Variants in FNBP1L observed in about 807,000 individuals in gnomAD.
The protein encoded by FNBP1L is formin binding protein 1 like.
A neutral mutation model predicts 91.2 loss-of-function variants in FNBP1L; 36 were observed. The ratio of observed to expected loss-of-function variants is 0.39; its 90% CI spans 0.30 to 0.52. The LOEUF (loss-of-function observed/expected upper bound fraction) is 0.52. Ranked by LOEUF, FNBP1L falls within the 20% of genes least tolerant of loss-of-function variation. The pLI is 0.66. For synonymous variants in FNBP1L, 242 were observed against 237.0 expected (o/e 1.02, Z -0.19); for missense variants, 571 against 732.1 (o/e 0.78, Z 2.54).
rs192824198 is a variant in FNBP1L at position 93,487,871 on chromosome 1, G to A, written c.25-11597G>A. ...TCATGTCCAGGGTAATTTTTTTATC[G>A]TGTATCTTCAGCAGGACCACTACTA... On this transcript the variant is annotated intron_variant, in intron 1 of 16. Transcript: ENST00000271234. 2.2e-4 allele frequency among the ~76,000 whole-genome samples: 34 copies of A among 152,204 alleles called. 1 individual carries two copies. The highest frequency in any genetic ancestry group is 1.8e-3 in the Admixed American group (28 of 15,284).
At position 93,492,651 on chromosome 1, in the gene FNBP1L, C is replaced by T. The variant is rs139505506; in HGVS notation, c.25-6817C>T. Among the ~76,000 whole-genome samples the T allele has an allele frequency of 1.6e-4, 24 of 152,018 alleles. No homozygotes were observed. In the East Asian group the frequency reaches 4.7e-3, roughly 30 times the overall value. Reference sequence around the variant, plus strand: ...TTGCTTGAGACTGGGAGTTTGAGACCAGACGGAGCAACAAAGCAAGACCCC... The same window carrying T: ...TTGCTTGAGACTGGGAGTTTGAGACTAGACGGAGCAACAAAGCAAGACCCC... On this transcript the variant is annotated intron_variant, in intron 1 of 16. Coordinates refer to ENST00000271234, the MANE Select transcript of FNBP1L (RefSeq NM_001164473.3).
intron 11 of FNBP1L, among the ~76,000 whole-genome samples, chr1:93,541,637 A>G (rs1672050394): frequency 6.6e-6 from 1 of 151,962 alleles, no homozygotes; most frequent in Non-Finnish European, 1.5e-5. Flanking sequence ...GTTCCTTGGT[A>G]TGTTTATTTC....
chr1:93,498,478 G>A (rs1030506711), intron 1 of FNBP1L, among the ~76,000 whole-genome samples: 26 of 152,178 alleles, frequency 1.7e-4, no homozygotes, highest in Non-Finnish European at 3.4e-4. Context: ...TTTAGGAGTA[G>A]AATTTTTTTT....
rs146240767 is a variant in FNBP1L at position 93,545,789 on chromosome 1, G to A, written c.1275-1053G>A. On this transcript the variant is annotated intron_variant, in intron 12 of 16. Transcript: ENST00000271234. ...GAATAGATAAAAGAATCATTTCAAA[G>A]CCAAAGTAGGTTGTACTTTCACCTG... Among the ~76,000 whole-genome samples, 291 of 151,278 alleles carry A rather than the reference G, an allele frequency of 1.9e-3. 2 individuals are homozygous for A. The highest frequency in any genetic ancestry group is 6.8e-3 in the African/African-American group (280 of 41,242).
chr1:93,512,217 G>A (rs890476041), intron 2 of FNBP1L, among the ~76,000 whole-genome samples: 1 of 152,088 alleles, frequency 6.6e-6, no homozygotes, highest in Non-Finnish European at 1.5e-5. Context: ...AACAAGAAGA[G>A]CTAACTATCC....
chr1:93,506,868 TCAA>T (rs1358732405), intron 2 of FNBP1L, among the ~76,000 whole-genome samples: 3 of 152,048 alleles, frequency 2.0e-5, no homozygotes, highest in Non-Finnish European at 4.4e-5. Flanking sequence ...AAGATTAGAA[TCAA>T]CAACTTAAAT....
At chr1:93,547,024 C>T in intron 13 of FNBP1L, 50 bp downstream of exon 13, 2 of 1,533,840 alleles carry the variant, frequency 1.3e-6, no homozygotes, top group Non-Finnish European at 1.8e-6. Context: ...TTATAAACTT[C>T]ATTATGATAG....
intron 1 of FNBP1L, among the ~76,000 whole-genome samples, chr1:93,454,622 G>A (rs972512585): frequency 1.8e-4 from 28 of 152,054 alleles, no homozygotes; most frequent in Middle Eastern, 3.4e-3. Flanking sequence ...ACTACAGCTC[G>A]TTTATATTGT....
chr1:93,546,950 A>G lies in FNBP1L; in HGVS notation c.1383A>G (p.Leu461=). ...LAETMNNIDR[L]RMEIHKNEAW... ...AGACCATGAATAACATTGACCGCCTACGAATGGAAATCCATAAGAATGAGG... is the reference window on the plus strand; with the variant it reads ...AGACCATGAATAACATTGACCGCCTGCGAATGGAAATCCATAAGAATGAGG... Residue 461 remains leucine, a synonymous_variant, in exon 13 of 17, where the codon CTA becomes CTG. Transcript: ENST00000271234. 6.2e-7 allele frequency: 1 copy of G among 1,612,244 alleles called. No homozygotes were observed. Among genetic ancestry groups the G allele is most frequent in the Non-Finnish European group, 8.5e-7 (1 of 1,179,220 alleles).
Position 93,552,546 on chromosome 1 carries a change from AT to A in FNBP1L, c.*140del, listed in dbSNP as rs879166612. On this transcript the variant is annotated 3_prime_UTR_variant, in exon 17 of 17. Coordinates refer to ENST00000271234, the MANE Select transcript of FNBP1L (RefSeq NM_001164473.3). ...AGTTGCATGAGTGCATGCAGACATG[AT>A]TTTTTTTTTACTAACTTCATTAGCA... The A allele has an allele frequency of 4.5e-3, 3,697 of 814,686 alleles. No homozygotes were observed. Among genetic ancestry groups the A allele is most frequent in the South Asian group, 6.7e-3 (211 of 31,680 alleles). The allele number at this position is 814,686 out of a possible 1,614,324, so 50.5% of individuals were successfully genotyped here.
chr1:93,477,567 C>T (rs894855989), intron 1 of FNBP1L, among the ~76,000 whole-genome samples: 3 of 152,118 alleles, frequency 2.0e-5, no homozygotes, highest in African/African-American at 4.8e-5. Context: ...CTCATTAGAC[C>T]TTTAAATACT....
intron 2 of FNBP1L, among the ~76,000 whole-genome samples, chr1:93,504,955 AT>A (rs562789312): frequency 2.6e-5 from 4 of 151,086 alleles, no homozygotes; most frequent in Non-Finnish European, 4.4e-5. Flanking sequence ...ATCTATTTTT[AT>A]TTTTTTTGCC....
At chr1:93,507,140 C>T (rs12729529) in intron 2 of FNBP1L, among the ~76,000 whole-genome samples, 3 of 146,540 alleles carry the variant, frequency 2.0e-5, no homozygotes, top group African/African-American at 5.1e-5. Flanking sequence ...CTCTCTCTCT[C>T]TCTCTCTCTC....
At chr1:93,459,978 T>TGTGTGTGTGTGTGTG (rs1557774003) in intron 1 of FNBP1L, among the ~76,000 whole-genome samples, 26 of 125,746 alleles carry the variant, frequency 2.1e-4, no homozygotes, top group Non-Finnish European at 4.2e-4. Flanking sequence ...TGTGTGTGTG[T>TGTGTGTGTGTGTGTG]TTTTGGGATA....
chr1:93,458,493 A>G (rs1444714106), intron 1 of FNBP1L, among the ~76,000 whole-genome samples: 1 of 152,216 alleles, frequency 6.6e-6, no homozygotes, highest in Non-Finnish European at 1.5e-5. Flanking sequence ...AATGGCTTAA[A>G]GACTTAAACA....
Position 93,550,941 on chromosome 1 carries a change from A to G in FNBP1L, c.1652-6A>G, listed in dbSNP as rs760422481. Reference sequence around the variant, plus strand: ...TTAAATTATGCTTGTGAAAACTCTCATCTAGGACATAATGAAGGTACTCTA... The same window carrying G: ...TTAAATTATGCTTGTGAAAACTCTCGTCTAGGACATAATGAAGGTACTCTA... On this transcript the variant is annotated splice_polypyrimidine_tract_variant and splice_region_variant and intron_variant, in intron 15 of 16. Coordinates refer to ENST00000271234, the MANE Select transcript of FNBP1L (RefSeq NM_001164473.3). The G allele has an allele frequency of 2.5e-6, 4 of 1,572,706 alleles. No homozygotes were observed. The African/African-American group carries it at 5.5e-5, about 22-fold the overall frequency.
At chr1:93,466,514 A>T (rs1669085583) in intron 1 of FNBP1L, among the ~76,000 whole-genome samples, 1 of 151,926 alleles carries the variant, frequency 6.6e-6, no homozygotes, top group Admixed American at 6.6e-5. Context: ...ATGGTTGCAG[A>T]TGTGTGGTGT....
At chr1:93,490,171 T>C (rs112003245) in intron 1 of FNBP1L, among the ~76,000 whole-genome samples, 146,910 of 152,198 alleles carry the variant, frequency 0.97, 71,092 homozygotes, top group Non-Finnish European at 1. Flanking sequence ...AAAATAGTTT[T>C]TTTTAAATTA....
At chr1:93,471,425 C>CCTGAAATTCCA (rs1200262050) in intron 1 of FNBP1L, among the ~76,000 whole-genome samples, 22 of 152,308 alleles carry the variant, frequency 1.4e-4, no homozygotes, top group South Asian at 6.2e-4. Context: ...GGCACTGTAG[C>CCTGAAATTCCA]GCATGCCTGA....
Sources: gnomAD v4.1 joint callset for allele counts (sites outside exome capture counted in the v4.1 genomes callset) on GRCh38, gnomAD v4.1.1 for gene constraint, MANE v1.5 for transcripts, NCBI Gene and HGNC (gene_info 2026-07-23, HGNC 2026-07-21) for gene names.